The following CDH13 variants were observed in gnomAD, a reference collection of about 807,000 sequenced individuals.
CDH13 encodes the protein cadherin 13.
A neutral mutation model predicts 63.8 loss-of-function variants in CDH13; 24 were observed. The observed-to-expected ratio is 0.38, with a 90% confidence interval of 0.27 to 0.53. The LOEUF (loss-of-function observed/expected upper bound fraction) is 0.53, where lower values mean the gene tolerates loss of function less well. CDH13 is among the 20% of genes least tolerant of loss of function. CDH13 has a pLI of 0.85. For missense variants in CDH13, 1,049 were observed against 903.1 expected (o/e 1.16, Z -2.07); for synonymous variants, 503 against 355.3 (o/e 1.42, Z -4.67).
At chr16:83,369,691 T>C (rs1198106898) in intron 6 of CDH13, among the ~76,000 whole-genome samples, 2 of 152,138 alleles carry the variant, frequency 1.3e-5, no homozygotes, top group African/African-American at 4.8e-5. Flanking sequence ...TCACATAGTG[T>C]TGGGATTACA....
intron 2 of CDH13, among the ~76,000 whole-genome samples, chr16:82,933,614 A>C (rs548486181): frequency 3.5e-4 from 54 of 152,334 alleles, no homozygotes; most frequent in African/African-American, 1.3e-3. Flanking sequence ...CAAAAGTCCA[A>C]GTCCATAGTC....
At chr16:82,790,175 A>ATG (rs1567536916) in intron 1 of CDH13, among the ~76,000 whole-genome samples, 7 of 151,960 alleles carry the variant, frequency 4.6e-5, no homozygotes, top group African/African-American at 1.7e-4. Context: ...GGTATCTCAT[A>ATG]CCTATAATCC....
At chr16:82,688,605 A>G (rs1055323071) in intron 1 of CDH13, among the ~76,000 whole-genome samples, 2 of 152,238 alleles carry the variant, frequency 1.3e-5, no homozygotes, top group African/African-American at 2.4e-5. Context: ...AACATCATTC[A>G]TCTGATGACA....
rs1196635136 is a variant in CDH13 at position 83,796,946 on chromosome 16, G to A, written c.*1916G>A. 4 of 152,226 alleles carry A rather than the reference G, an allele frequency of 2.6e-5. No homozygotes were observed. Among genetic ancestry groups the A allele is most frequent in the African/African-American group, 9.6e-5 (4 of 41,464 alleles). 9.4% of individuals were successfully genotyped at this position (152,226 alleles called of 1,614,324 possible). Reference sequence around the variant, plus strand: ...ATTTTTCTCTGGAACAAATCCTGTTGCTGGATCAGGAGATGCCACACCTTG... The same window carrying A: ...ATTTTTCTCTGGAACAAATCCTGTTACTGGATCAGGAGATGCCACACCTTG... On this transcript the variant is annotated 3_prime_UTR_variant, in exon 14 of 14. Coordinates refer to ENST00000567109, the MANE Select transcript of CDH13 (RefSeq NM_001257.5).
intron 13 of CDH13, among the ~76,000 whole-genome samples, chr16:83,785,181 T>C (rs138555231): frequency 6.6e-5 from 10 of 152,202 alleles, no homozygotes; most frequent in Non-Finnish European, 1.3e-4. Context: ...CGGGCTACTA[T>C]AACAAAATAC....
chr16:83,145,017 G>C (rs2036688087), intron 4 of CDH13, among the ~76,000 whole-genome samples: 1 of 152,146 alleles, frequency 6.6e-6, no homozygotes, highest in South Asian at 2.1e-4. Context: ...TGCAAATGGA[G>C]ACGCCGTGGC....
intron 2 of CDH13, among the ~76,000 whole-genome samples, chr16:82,930,699 TAAATG>T (rs553032618): frequency 1.3e-5 from 2 of 152,256 alleles, no homozygotes; most frequent in Admixed American, 1.3e-4. Flanking sequence ...TGCCCTCAGA[TAAATG>T]ATATTAAACT....
At chr16:83,132,917 A>G (rs945369932) in intron 4 of CDH13, among the ~76,000 whole-genome samples, 3 of 152,140 alleles carry the variant, frequency 2.0e-5, no homozygotes, top group African/African-American at 7.2e-5. Context: ...AGCCTTTCCT[A>G]TTTCCAAGTC....
chr16:82,969,285 A>C (rs2151362852), intron 2 of CDH13, among the ~76,000 whole-genome samples: 1 of 152,262 alleles, frequency 6.6e-6, no homozygotes, highest in East Asian at 1.9e-4. Flanking sequence ...TAATGGCCCT[A>C]TACACGATAC....
chr16:83,643,653 A>T (rs1911517326), intron 8 of CDH13, among the ~76,000 whole-genome samples: 1 of 152,132 alleles, frequency 6.6e-6, no homozygotes, highest in South Asian at 2.1e-4. Flanking sequence ...GTGGCAATAA[A>T]GGGCAGAGAA....
At chr16:83,134,081 G>C (rs1201584035) in intron 4 of CDH13, among the ~76,000 whole-genome samples, 1 of 152,194 alleles carries the variant, frequency 6.6e-6, no homozygotes, top group Admixed American at 6.5e-5. Context: ...ACCATTATAT[G>C]ATCAGTCTGG....
At chr16:83,041,513 A>G (rs1205149568) in intron 3 of CDH13, among the ~76,000 whole-genome samples, 1 of 152,188 alleles carries the variant, frequency 6.6e-6, no homozygotes, top group Non-Finnish European at 1.5e-5. Context: ...CCAAAAGCCA[A>G]CGACCCTGCT....
At chr16:83,276,375 G>C (rs898346812) in intron 5 of CDH13, among the ~76,000 whole-genome samples, 3 of 152,074 alleles carry the variant, frequency 2.0e-5, no homozygotes, top group African/African-American at 2.4e-5. Context: ...TGTGTCTTTG[G>C]TGTTTCCCAT....
intron 1 of CDH13, among the ~76,000 whole-genome samples, chr16:82,694,132 T>A (rs1238241294): frequency 2.0e-5 from 3 of 152,206 alleles, no homozygotes; most frequent in Non-Finnish European, 4.4e-5. Flanking sequence ...TCTCCCCAGT[T>A]AATTTATTCA....
chr16:83,008,820 C>G (rs1381329850), intron 2 of CDH13, among the ~76,000 whole-genome samples: 2 of 152,130 alleles, frequency 1.3e-5, no homozygotes, highest in Non-Finnish European at 2.9e-5. Flanking sequence ...TAAAGACATG[C>G]CCAAGACTGA....
intron 4 of CDH13, among the ~76,000 whole-genome samples, chr16:83,207,424 A>G (rs1052141846): frequency 2.6e-5 from 4 of 152,220 alleles, no homozygotes; most frequent in African/African-American, 9.7e-5. Flanking sequence ...CCTTCCTTTT[A>G]AAGTCTAAAT....
chr16:83,420,407 A>C (rs2071681606), intron 6 of CDH13, among the ~76,000 whole-genome samples: 1 of 152,190 alleles, frequency 6.6e-6, no homozygotes, highest in Non-Finnish European at 1.5e-5. Flanking sequence ...ATTGTTCAGT[A>C]CCAAGGACAG....
At chr16:83,750,687 G>A (rs140630751) in intron 11 of CDH13, among the ~76,000 whole-genome samples, 1 of 152,334 alleles carries the variant, frequency 6.6e-6, no homozygotes, top group African/African-American at 2.4e-5. Flanking sequence ...TGATGCTTCT[G>A]CAAGTCAAGG....
chr16:83,781,951 A>G (rs986215039), intron 12 of CDH13, among the ~76,000 whole-genome samples: 10 of 152,040 alleles, frequency 6.6e-5, no homozygotes, highest in African/African-American at 2.4e-4. Context: ...GAAGAAAAAA[A>G]AAAAGATTGT....
Sources: allele counts gnomAD v4.1 joint callset (sites outside exome capture counted in the v4.1 genomes callset), GRCh38; gene constraint gnomAD v4.1.1; transcripts MANE v1.5; gene names NCBI Gene and HGNC (gene_info 2026-07-23, HGNC 2026-07-21).